Variants in CENPP observed in about 807,000 individuals in gnomAD.
The protein encoded by CENPP is centromere protein P.
A neutral mutation model predicts 35.6 loss-of-function variants in CENPP; 24 were observed. The ratio of observed to expected loss-of-function variants is 0.67; its 90% CI spans 0.49 to 0.95. The LOEUF is 0.95. CENPP is among the 40% of genes least tolerant of loss of function. The pLI is 0.00. For synonymous variants in CENPP, 120 were observed against 125.5 expected (o/e 0.96, Z 0.29); for missense variants, 332 against 345.3 (o/e 0.96, Z 0.31).
intron 5 of CENPP, among the ~76,000 whole-genome samples, chr9:92,448,824 T>C (rs1844620849): frequency 6.6e-6 from 1 of 152,176 alleles, no homozygotes; most frequent in South Asian, 2.1e-4. Context: ...ACCCAGTTCA[T>C]GGCCTTCCAT....
At chr9:92,536,965 G>T (rs906976171) in intron 5 of CENPP, among the ~76,000 whole-genome samples, 17 of 151,386 alleles carry the variant, frequency 1.1e-4, no homozygotes, top group Non-Finnish European at 2.1e-4. Flanking sequence ...CGCCTCCCAG[G>T]TTCAAGGGAT....
chr9:92,364,762 A>G (rs933916390), intron 4 of CENPP, among the ~76,000 whole-genome samples: 1 of 152,234 alleles, frequency 6.6e-6, no homozygotes. Flanking sequence ...GAAGCTTACA[A>G]CCTAGTGTAT....
chr9:92,528,446 G>T (rs1039867965), intron 5 of CENPP, among the ~76,000 whole-genome samples: 1 of 152,192 alleles, frequency 6.6e-6, no homozygotes, highest in Admixed American at 6.5e-5. Context: ...CCCTTCCAGA[G>T]ATGTGAAGTC....
chr9:92,507,379 C>T (rs999151175), intron 5 of CENPP, among the ~76,000 whole-genome samples: 1 of 152,144 alleles, frequency 6.6e-6, no homozygotes, highest in Non-Finnish European at 1.5e-5. Flanking sequence ...AAATAGATAA[C>T]AGAAATGAAC....
At chr9:92,410,518 A>C (rs937405822) in intron 5 of CENPP, among the ~76,000 whole-genome samples, 2 of 152,164 alleles carry the variant, frequency 1.3e-5, no homozygotes, top group African/African-American at 4.8e-5. Context: ...CTGGTGGGCC[A>C]TCCAGATGGT....
intron 5 of CENPP, among the ~76,000 whole-genome samples, chr9:92,564,479 A>G (rs529206040): frequency 6.6e-6 from 1 of 152,304 alleles, no homozygotes; most frequent in East Asian, 1.9e-4. Context: ...TATCATTAGG[A>G]GGTAAAATCA....
At chr9:92,570,822 C>A (rs1018890049) in intron 5 of CENPP, among the ~76,000 whole-genome samples, 1 of 151,324 alleles carries the variant, frequency 6.6e-6, no homozygotes, top group African/African-American at 2.4e-5. Context: ...TGTATGTGTC[C>A]AGGAATTTAT....
At chr9:92,363,596 A>G (rs1841816973) in intron 4 of CENPP, among the ~76,000 whole-genome samples, 1 of 152,202 alleles carries the variant, frequency 6.6e-6, no homozygotes, top group Non-Finnish European at 1.5e-5. Flanking sequence ...TCATCTGACA[A>G]TGCATTTATC....
intron 5 of CENPP, among the ~76,000 whole-genome samples, chr9:92,599,795 T>C (rs1850866191): frequency 6.6e-6 from 1 of 152,138 alleles, no homozygotes; most frequent in South Asian, 2.1e-4. Context: ...AAAAGTATGG[T>C]GTAGCTCCCA....
At chr9:92,538,675 C>T (rs1849246118) in intron 5 of CENPP, among the ~76,000 whole-genome samples, 1 of 152,164 alleles carries the variant, frequency 6.6e-6, no homozygotes, top group African/African-American at 2.4e-5. Context: ...ATTTTAACCA[C>T]ACTAGCACAT....
chr9:92,423,796 C>T (rs985457341), intron 5 of CENPP, among the ~76,000 whole-genome samples: 1 of 152,108 alleles, frequency 6.6e-6, no homozygotes, highest in Non-Finnish European at 1.5e-5. Flanking sequence ...AAATGCCCAT[C>T]AACCCCCCAA....
chr9:92,539,563 G>A (rs890299278), intron 5 of CENPP, among the ~76,000 whole-genome samples: 3 of 151,936 alleles, frequency 2.0e-5, no homozygotes, highest in African/African-American at 4.8e-5. Flanking sequence ...ACTTACTAAG[G>A]GCTTTGAAGG....
chr9:92,547,728 T>C (rs1226928060), intron 5 of CENPP, among the ~76,000 whole-genome samples: 1 of 152,220 alleles, frequency 6.6e-6, no homozygotes, highest in African/African-American at 2.4e-5. Flanking sequence ...GTTCTAAAAA[T>C]AGTAGTGATG....
At position 92,612,601 on chromosome 9, in the gene CENPP, A is replaced by C. The variant is rs780223551; in HGVS notation, c.723A>C (p.Lys241Asn). 2.5e-6 allele frequency: 4 copies of C among 1,613,950 alleles called. No individual in the cohort carries two copies. In the East Asian group the frequency reaches 8.9e-5, roughly 36 times the overall value. ...KVFPKLDLLT[K>N]VPQRALELDK... ...TTCCAAAGCTGGATCTTCTCACCAA[A>C]GTCCCACAGCGAGGTAGGGCCCTGG... Residue 241 changes from lysine (K) to asparagine (N), a missense_variant, in exon 7 of 8, where the codon AAA (lysine) becomes AAC (asparagine). By Grantham distance (94) the Lys-to-Asn change is moderately conservative. Coordinates refer to ENST00000375587, the MANE Select transcript of CENPP (RefSeq NM_001012267.3).
intron 5 of CENPP, among the ~76,000 whole-genome samples, chr9:92,468,817 T>C (rs1845407591): frequency 2.6e-5 from 4 of 152,212 alleles, no homozygotes; most frequent in African/African-American, 9.6e-5. Flanking sequence ...GCTCTACACC[T>C]GACATGCATT....
intron 5 of CENPP, among the ~76,000 whole-genome samples, chr9:92,422,495 A>G (rs185320366): frequency 6.6e-6 from 1 of 152,356 alleles, no homozygotes. Context: ...GAATCAAGAC[A>G]TGACTGGGGC....
At chr9:92,534,647 T>A (rs1160570474) in intron 5 of CENPP, among the ~76,000 whole-genome samples, 1 of 152,194 alleles carries the variant, frequency 6.6e-6, no homozygotes, top group African/African-American at 2.4e-5. Flanking sequence ...ATTAGCTGAT[T>A]GGCACCTGAA....
In CENPP at chr9:92,543,078, T is replaced by C. The variant is rs557327619; in HGVS notation, c.565-68236T>C. 6.6e-5 allele frequency among the ~76,000 whole-genome samples: 10 copies of C among 152,334 alleles called. No homozygotes were observed. The East Asian group carries it at 1.9e-3, about 29-fold the overall frequency. On this transcript the variant is annotated intron_variant, in intron 5 of 7. Coordinates refer to ENST00000375587, the MANE Select transcript of CENPP (RefSeq NM_001012267.3). ...CTCTATTCTGTTCCATTGGTCTCTG[T>C]CAGTTTTTATGCCAGTACTATGCTG... is the stretch of plus-strand genomic sequence containing the variant.
chr9:92,555,128 T>C (rs928071060), intron 5 of CENPP, among the ~76,000 whole-genome samples: 2 of 151,600 alleles, frequency 1.3e-5, no homozygotes, highest in Non-Finnish European at 2.9e-5. Context: ...TACAGAATAG[T>C]GTCAAAACGA....
Sources: gnomAD v4.1 joint callset for allele counts (sites outside exome capture counted in the v4.1 genomes callset) on GRCh38, gnomAD v4.1.1 for gene constraint, MANE v1.5 for transcripts, NCBI Gene and HGNC (gene_info 2026-07-23, HGNC 2026-07-21) for gene names.